Variants in FRMPD4 observed in about 807,000 individuals in gnomAD.
FRMPD4 encodes the protein FERM and PDZ domain containing 4.
A neutral mutation model predicts 94.1 loss-of-function variants in FRMPD4; 22 were observed. The observed-to-expected ratio is 0.23, with a 90% confidence interval of 0.17 to 0.33. The LOEUF (loss-of-function observed/expected upper bound fraction) is 0.33, where lower values mean the gene tolerates loss of function less well. Among genes scored for constraint, FRMPD4 ranks in the 10% least tolerant of loss-of-function variants. The pLI, the probability that FRMPD4 is intolerant of heterozygous loss-of-function variation, is 1.00. For synonymous variants in FRMPD4, 631 were observed against 548.6 expected, an observed-to-expected ratio of 1.15 and a Z score of -2.10; for missense variants, 1,111 against 1,339.9, an observed-to-expected ratio of 0.83 and a Z score of 2.67.
At chrX:12,573,105 A>G (rs1422370683) in intron 2 of FRMPD4, among the ~76,000 whole-genome samples, 5 of 111,993 alleles carry the variant, frequency 4.5e-5, no homozygotes, top group Non-Finnish European at 7.5e-5. Flanking sequence ...TAAATATGCT[A>G]AAGAAGTATA....
chrX:12,169,490 T>C (rs1388050955), intron 1 of FRMPD4, among the ~76,000 whole-genome samples: 1 of 111,749 alleles, frequency 8.9e-6, no homozygotes, highest in African/African-American at 3.3e-5. Context: ...CAAATTGTCC[T>C]GCAGGTCAAA....
At chrX:12,671,842 T>C (rs912890426) in intron 4 of FRMPD4, among the ~76,000 whole-genome samples, 1 of 111,641 alleles carries the variant, frequency 9.0e-6, no homozygotes, top group African/African-American at 3.3e-5. Context: ...TGTCCACTTA[T>C]AACAGCTCCC....
chrX:12,088,171 CTTAT>C (rs1017002825), intron 3 of FRMPD4, among the ~76,000 whole-genome samples: 1 of 111,963 alleles, frequency 8.9e-6, no homozygotes, highest in African/African-American at 3.3e-5. Context: ...GAACAGCAAC[CTTAT>C]TTCTCAAAGT....
At chrX:12,516,932 A>C (rs1602058217) in intron 2 of FRMPD4, among the ~76,000 whole-genome samples, 1 of 76,671 alleles carries the variant, frequency 1.3e-5, no homozygotes, top group African/African-American at 5.1e-5. Flanking sequence ...AATCTTGTCG[A>C]CCTGTCTTAT....
In FRMPD4 at chrX:12,716,702, C is replaced by A. The variant is rs370344979; in HGVS notation, c.2243C>A (p.Ala748Glu). Residue 748 changes from alanine (A) to glutamate (E), a missense_variant, in exon 15 of 17, where the codon GCG becomes GAG. Transcript: ENST00000675598. ...TGTTATGCAGAAAACACTGATGACG[C>A]GGAGGACGAGGACGAGGTGAGCTGC... ...DICYAENTDD[A>E]EDEDEVSCEE... 3 of 1,211,390 alleles carry A rather than the reference C, an allele frequency of 2.5e-6. No individual in the cohort carries two copies. The highest frequency in any genetic ancestry group is 3.4e-6 in the Non-Finnish European group (3 of 895,202).
chrX:12,444,119 T>G (rs979721850), intron 1 of FRMPD4, among the ~76,000 whole-genome samples: 5 of 109,894 alleles, frequency 4.5e-5, no homozygotes, highest in Non-Finnish European at 9.5e-5. Context: ...TTCAGAGAGA[T>G]GTAGGGTTTT....
intron 1 of FRMPD4, among the ~76,000 whole-genome samples, chrX:12,427,422 G>A (rs2056957921): frequency 9.0e-6 from 1 of 110,821 alleles, no homozygotes; most frequent in Non-Finnish European, 1.9e-5. Flanking sequence ...CAAGCTAAGG[G>A]TACTAGATGA....
At chrX:12,541,865 A>T (rs1179411049) in intron 2 of FRMPD4, among the ~76,000 whole-genome samples, 1 of 112,040 alleles carries the variant, frequency 8.9e-6, no homozygotes, top group Non-Finnish European at 1.9e-5. Flanking sequence ...AACCGAATCC[A>T]GCAGCACATC....
At chrX:12,359,298 G>A (rs1053507691) in intron 1 of FRMPD4, among the ~76,000 whole-genome samples, 3 of 111,341 alleles carry the variant, frequency 2.7e-5, no homozygotes, top group African/African-American at 9.8e-5. Flanking sequence ...TAAAATTAAT[G>A]TTTTCTGTAT....
chrX:12,419,515 G>A (rs183770432), intron 1 of FRMPD4, among the ~76,000 whole-genome samples: 2 of 111,890 alleles, frequency 1.8e-5, no homozygotes, highest in Admixed American at 1.9e-4. Context: ...TTACTTTCTA[G>A]TATATTAGAT....
At chrX:12,696,938 G>C (rs1335070545) in intron 9 of FRMPD4, among the ~76,000 whole-genome samples, 1 of 111,766 alleles carries the variant, frequency 8.9e-6, no homozygotes, top group African/African-American at 3.3e-5. Context: ...GAAAGACACA[G>C]AACATACAAG....
At chrX:12,282,401 A>G (rs992698969) in intron 1 of FRMPD4, among the ~76,000 whole-genome samples, 1 of 112,575 alleles carries the variant, frequency 8.9e-6, no homozygotes, top group Non-Finnish European at 1.9e-5. Flanking sequence ...GAAAGTTTTA[A>G]TGTATAATAT....
At chrX:12,092,099 A>T (rs1418032036) in intron 3 of FRMPD4, among the ~76,000 whole-genome samples, 1 of 111,735 alleles carries the variant, frequency 8.9e-6, no homozygotes, top group Non-Finnish European at 1.9e-5. Context: ...TTGCCTGTTC[A>T]TATGAAGGAA....
intron 3 of FRMPD4, among the ~76,000 whole-genome samples, chrX:11,971,148 G>C (rs1342936981): frequency 8.9e-6 from 1 of 111,812 alleles, no homozygotes; most frequent in Admixed American, 9.5e-5. Flanking sequence ...ATGTGTCTTA[G>C]CTGTGAGCTG....
intron 2 of FRMPD4, among the ~76,000 whole-genome samples, chrX:12,515,195 A>C: frequency 9.0e-6 from 1 of 110,635 alleles, no homozygotes; most frequent in East Asian, 2.8e-4. Context: ...TCATGTCTCT[A>C]TCTCCTTCAG....
At chrX:12,628,579 G>A (rs5979694) in intron 4 of FRMPD4, among the ~76,000 whole-genome samples, 2,568 of 112,599 alleles carry the variant, frequency 0.023, 71 homozygotes, top group African/African-American at 0.077. Flanking sequence ...GACTAGAAAA[G>A]AAGGCACAGG....
At chrX:11,836,497 C>T (rs2053502211) in intron 1 of FRMPD4, among the ~76,000 whole-genome samples, 1 of 111,668 alleles carries the variant, frequency 9.0e-6, no homozygotes, top group Non-Finnish European at 1.9e-5. Flanking sequence ...TAGTAATTAT[C>T]ACTCCTACTC....
intron 1 of FRMPD4, among the ~76,000 whole-genome samples, chrX:12,244,825 G>A (rs953855758): frequency 8.9e-6 from 1 of 111,911 alleles, no homozygotes; most frequent in Admixed American, 9.4e-5. Context: ...CAGAGGCAAG[G>A]TGGACAGAGC....
intron 1 of FRMPD4, among the ~76,000 whole-genome samples, chrX:12,465,821 A>G (rs2057443013): frequency 8.9e-6 from 1 of 112,111 alleles, no homozygotes; most frequent in Admixed American, 9.5e-5. Flanking sequence ...TAATGTAAAA[A>G]ACAACTTCTG....
Sources: gnomAD v4.1 joint callset for allele counts (sites outside exome capture counted in the v4.1 genomes callset) on GRCh38, gnomAD v4.1.1 for gene constraint, MANE v1.5 for transcripts, NCBI Gene and HGNC (gene_info 2026-07-23, HGNC 2026-07-21) for gene names.